NEO1: variants seen among roughly 807,000 people sequenced by gnomAD.
NEO1 encodes the protein neogenin 1.
NEO1 carries 63 observed loss-of-function variants against 159.7 expected under a neutral mutation model. That is an observed-to-expected ratio of 0.39 (90% CI 0.32 to 0.49). The LOEUF is 0.49. NEO1 is among the 20% of genes least tolerant of loss of function. The pLI is 0.85. For synonymous variants in NEO1, 633 were observed against 662.0 expected (o/e 0.96, Z 0.67); for missense variants, 1,615 against 1,831.0 (o/e 0.88, Z 2.15).
At chr15:73,277,266 TG>T (rs1258400347) in intron 21 of NEO1, among the ~76,000 whole-genome samples, 1 of 152,254 alleles carries the variant, frequency 6.6e-6, no homozygotes, top group East Asian at 1.9e-4. Context: ...TATTGCTTTC[TG>T]GGTATAAACC....
chr15:73,205,604 A>G (rs1271115633), intron 7 of NEO1, among the ~76,000 whole-genome samples: 1 of 152,148 alleles, frequency 6.6e-6, no homozygotes, highest in African/African-American at 2.4e-5. Context: ...GTCCACACTC[A>G]ACCTCTAGCA....
chr15:73,298,533 G>T lies in NEO1; in HGVS notation c.4087G>T (p.Ala1363Ser). 1 of 1,614,064 alleles carries T rather than the reference G, an allele frequency of 6.2e-7. No homozygotes were observed. The highest frequency in any genetic ancestry group is 1.1e-5 in the South Asian group (1 of 91,078). Residue 1363 changes from alanine to serine, a missense_variant, in exon 27 of 29, where the codon GCC becomes TCC. Physicochemically the swap from Ala to Ser is moderately conservative, Grantham distance 99. This residue lies in a region of NEO1 where 471 missense variants were observed against 498.9 expected (regional missense o/e 0.94). Transcript: ENST00000261908. ...CCCTTCCCACCCATTGAAGAGCTTC[G>T]CCGTGCCAGCAATCCCGCCTCCAGG... ...VRPSHPLKSF[A>S]VPAIPPPGPP...
At chr15:73,277,548 T>G (rs962529364) in intron 21 of NEO1, among the ~76,000 whole-genome samples, 6 of 152,204 alleles carry the variant, frequency 3.9e-5, no homozygotes, top group African/African-American at 9.6e-5. Context: ...CTGGAATGTT[T>G]AGGTGACTGA....
At chr15:73,226,653 T>TA (rs1169376987) in intron 7 of NEO1, among the ~76,000 whole-genome samples, 8 of 152,356 alleles carry the variant, frequency 5.3e-5, no homozygotes, top group African/African-American at 1.7e-4. Context: ...TTCACACTGT[T>TA]ACTATGTTTG....
chr15:73,305,010 C>T lies in NEO1; in HGVS notation c.*2314C>T, dbSNP rs2042736142. 1 of 152,100 alleles carries T rather than the reference C, an allele frequency of 6.6e-6. No homozygotes were observed. Among genetic ancestry groups the T allele is most frequent in the Admixed American group, 6.5e-5 (1 of 15,268 alleles). 9.4% of individuals were successfully genotyped at this position (152,100 alleles called of 1,614,324 possible). On this transcript the variant is annotated 3_prime_UTR_variant, in exon 29 of 29. Coordinates refer to ENST00000261908, the MANE Select transcript of NEO1 (RefSeq NM_002499.4). ...TTGAGCTGCCGCTCAGCAGCTTCCT[C>T]GGGGGGATTTGGAACACCTGTGTCT...
At chr15:73,285,321 T>C (rs1347799534) in intron 23 of NEO1, among the ~76,000 whole-genome samples, 1 of 152,176 alleles carries the variant, frequency 6.6e-6, no homozygotes, top group Non-Finnish European at 1.5e-5. Context: ...GGTTTCACCA[T>C]GTTGGCCAGG....
chr15:73,070,787 C>G (rs879192675), intron 1 of NEO1, among the ~76,000 whole-genome samples: 1 of 152,112 alleles, frequency 6.6e-6, no homozygotes, highest in Non-Finnish European at 1.5e-5. Context: ...GTCTCTCTGT[C>G]TCACAGATTA....
At chr15:73,221,881 C>G (rs1334822121) in intron 7 of NEO1, 2 of 154,304 alleles carry the variant, frequency 1.3e-5, no homozygotes, top group African/African-American at 4.8e-5. Flanking sequence ...CTTGCGCTTC[C>G]TGAGTGAGGC....
intron 1 of NEO1, among the ~76,000 whole-genome samples, chr15:73,100,396 A>G (rs1340133251): frequency 1.3e-5 from 2 of 150,292 alleles, no homozygotes; most frequent in Non-Finnish European, 3.0e-5. Flanking sequence ...GTGCAATGGT[A>G]TAATCTCTAC....
chr15:73,178,577 C>T, intron 7 of NEO1, 150 bp downstream of exon 7: 1 of 851,198 alleles, frequency 1.2e-6, no homozygotes, highest in Non-Finnish European at 1.6e-6. Context: ...TAAATCATTT[C>T]TATTACATAA....
intron 5 of NEO1, among the ~76,000 whole-genome samples, chr15:73,139,161 C>A (rs1000504292): frequency 6.6e-6 from 1 of 151,972 alleles, no homozygotes; most frequent in Non-Finnish European, 1.5e-5. Context: ...ACACCATACA[C>A]AAAAATCAAC....
At chr15:73,063,027 G>A (rs541020650) in intron 1 of NEO1, among the ~76,000 whole-genome samples, 12 of 152,246 alleles carry the variant, frequency 7.9e-5, no homozygotes, top group South Asian at 2.1e-4. Flanking sequence ...GGGAGGAAGC[G>A]TTCCTCTGTT....
chr15:73,254,866 G>T, intron 13 of NEO1, 37 bp downstream of exon 13: 1 of 1,588,284 alleles, frequency 6.3e-7, no homozygotes, highest in Non-Finnish European at 8.6e-7. Flanking sequence ...GGTACACTGT[G>T]TCTTTCTCAG....
At chr15:73,247,796 G>T (rs756238713) in intron 9 of NEO1, among the ~76,000 whole-genome samples, 1 of 152,138 alleles carries the variant, frequency 6.6e-6, no homozygotes, top group African/African-American at 2.4e-5. Context: ...CAGGATTTGT[G>T]TATAAATTGG....
intron 1 of NEO1, among the ~76,000 whole-genome samples, chr15:73,070,207 G>A (rs529985129): frequency 1.5e-4 from 23 of 152,176 alleles, no homozygotes; most frequent in African/African-American, 5.1e-4. Flanking sequence ...CCTATATGTC[G>A]TTCATCCTTG....
chr15:73,225,477 T>C (rs140036389), intron 7 of NEO1, among the ~76,000 whole-genome samples: 2,062 of 152,198 alleles, frequency 0.014, 19 homozygotes, highest in South Asian at 0.017. Context: ...CGCGTCTCCC[T>C]GCGGCTGCTG....
intron 1 of NEO1, among the ~76,000 whole-genome samples, chr15:73,084,787 GTGTGTGTGTGTTTAA>G (rs1169179915): frequency 6.6e-6 from 1 of 151,612 alleles, no homozygotes; most frequent in Non-Finnish European, 1.5e-5. Context: ...CTTTTTGTGT[GTGTGTGTGTGTTTAA>G]TGTGTGTGTG....
rs1399464508 is a variant in NEO1, at chr15:73,272,441, T to C, written c.2858-14T>C. ...AAATGGACAGAAATTATTAAAAATT[T>C]TGTTATTTTGTAGTTCCGACTTCTC... is the stretch of plus-strand genomic sequence containing the variant. On this transcript the variant is annotated splice_polypyrimidine_tract_variant and intron_variant, in intron 18 of 28. Transcript: ENST00000261908. 2 of 1,585,156 alleles carry C rather than the reference T, an allele frequency of 1.3e-6. No individual in the cohort carries two copies. Among genetic ancestry groups the C allele is most frequent in the South Asian group, 2.2e-5 (2 of 89,914 alleles).
chr15:73,204,737 C>G (rs888835854), intron 7 of NEO1, among the ~76,000 whole-genome samples: 2 of 152,104 alleles, frequency 1.3e-5, no homozygotes, highest in Non-Finnish European at 2.9e-5. Context: ...GTGATAATTC[C>G]AACATCTTTG....
Sources: gnomAD v4.1 joint callset for allele counts (sites outside exome capture counted in the v4.1 genomes callset) on GRCh38, gnomAD v4.1.1 for gene constraint, gnomAD v4.1.1 regional missense constraint, MANE v1.5 for transcripts, NCBI Gene and HGNC (gene_info 2026-07-23, HGNC 2026-07-21) for gene names.